DOCK3: variants seen among roughly 807,000 people sequenced by gnomAD.
The protein encoded by DOCK3 is dedicator of cytokinesis protein 3.
In DOCK3, 60 loss-of-function variants were observed where a neutral mutation model predicts 265.6. The ratio of observed to expected loss-of-function variants is 0.23; its 90% CI spans 0.18 to 0.28. The LOEUF is 0.28. Ranked by LOEUF, DOCK3 falls within the 10% of genes least tolerant of loss-of-function variation. The pLI is 1.00. For synonymous variants in DOCK3, 881 were observed against 938.0 expected, an observed-to-expected ratio of 0.94 and a Z score of 1.11; for missense variants, 1,981 against 2,594.3, an observed-to-expected ratio of 0.76 and a Z score of 5.14.
chr3:51,330,344 T>G, intron 33 of DOCK3, 121 bp downstream of exon 33: 2 of 821,644 alleles, frequency 2.4e-6, no homozygotes, highest in Non-Finnish European at 3.8e-6. Flanking sequence ...GGGACCTGGG[T>G]TGTTCCTGAT....
intron 5 of DOCK3, among the ~76,000 whole-genome samples, chr3:50,935,168 C>G (rs755601171): frequency 1.3e-5 from 2 of 152,306 alleles, no homozygotes; most frequent in African/African-American, 4.8e-5. Context: ...CCTGTTCTCT[C>G]TAGCCAAAGG....
chr3:51,041,160 A>ATGTGTG (rs1304136705), intron 5 of DOCK3, among the ~76,000 whole-genome samples: 9 of 49,996 alleles, frequency 1.8e-4, no homozygotes, highest in Non-Finnish European at 3.1e-4. Flanking sequence ...GCCTTACAAA[A>ATGTGTG]TGTATATATA....
chr3:50,887,110 T>C (rs949630160), intron 3 of DOCK3, among the ~76,000 whole-genome samples: 5 of 151,972 alleles, frequency 3.3e-5, no homozygotes, highest in African/African-American at 9.6e-5. Flanking sequence ...ATTGATAGAC[T>C]GCTAGCAAGA....
At chr3:50,767,385 C>T (rs574939436) in intron 1 of DOCK3, among the ~76,000 whole-genome samples, 1 of 152,252 alleles carries the variant, frequency 6.6e-6, no homozygotes, top group Non-Finnish European at 1.5e-5. Flanking sequence ...CATCCTTTCC[C>T]CATTGCTTGT....
At chr3:50,991,696 A>G (rs962431166) in intron 5 of DOCK3, among the ~76,000 whole-genome samples, 10 of 152,186 alleles carry the variant, frequency 6.6e-5, no homozygotes, top group African/African-American at 2.2e-4. Context: ...CAGAAAATTA[A>G]CAAAGATATT....
chr3:50,887,624 T>A (rs1487920636), intron 3 of DOCK3, among the ~76,000 whole-genome samples: 2 of 94,832 alleles, frequency 2.1e-5, no homozygotes, highest in Admixed American at 2.7e-4. Context: ...AGTAAAATAC[T>A]GGCAAAACGA....
intron 21 of DOCK3, among the ~76,000 whole-genome samples, chr3:51,242,637 C>A (rs375406127): frequency 2.3e-4 from 35 of 152,016 alleles, no homozygotes; most frequent in African/African-American, 8.4e-4. Flanking sequence ...GTCCTGCAAG[C>A]AGAAGTAGTC....
chr3:51,177,808 T>C (rs2087039786), intron 12 of DOCK3, among the ~76,000 whole-genome samples: 1 of 152,080 alleles, frequency 6.6e-6, no homozygotes, highest in African/African-American at 2.4e-5. Flanking sequence ...CTGGCCAACA[T>C]GGTGAAACCC....
chr3:50,862,647 C>G (rs1179083048), intron 3 of DOCK3, among the ~76,000 whole-genome samples: 1 of 152,162 alleles, frequency 6.6e-6, no homozygotes, highest in Non-Finnish European at 1.5e-5. Context: ...CTTTTTCATT[C>G]CTGGCTGCAG....
At chr3:51,252,292 G>A (rs538084685) in intron 22 of DOCK3, among the ~76,000 whole-genome samples, 36 of 152,318 alleles carry the variant, frequency 2.4e-4, no homozygotes, top group African/African-American at 8.7e-4. Flanking sequence ...AAGTCAGGTA[G>A]CGTGATGCCT....
At chr3:50,935,885 G>A (rs555849115) in intron 5 of DOCK3, among the ~76,000 whole-genome samples, 12 of 152,120 alleles carry the variant, frequency 7.9e-5, no homozygotes, top group African/African-American at 2.7e-4. Context: ...AATAGGAACC[G>A]GAGTGTCATA....
Position 51,360,543 on chromosome 3 carries a change from A to G in DOCK3, c.4917A>G (p.Ala1639=). The G allele has an allele frequency of 6.2e-7, 1 of 1,612,808 alleles. No homozygotes were observed. Among genetic ancestry groups the G allele is most frequent in the South Asian group, 1.1e-5 (1 of 90,734 alleles). The change falls in exon 47 of 53, where the codon GCA becomes GCG. Residue 1639 remains alanine (A), a synonymous_variant. Coordinates refer to ENST00000266037, the MANE Select transcript of DOCK3 (RefSeq NM_004947.5). ...EFPGLDKLSP[A]CSGTSTPRGN... is the part of the protein sequence containing the mutation. Reference sequence around the variant, plus strand: ...CAGGTTTGGATAAGCTAAGTCCTGCATGTTCAGGCACCAGCACCCCACGGG... The same window carrying G: ...CAGGTTTGGATAAGCTAAGTCCTGCGTGTTCAGGCACCAGCACCCCACGGG...
chr3:51,123,269 T>C (rs1046389123), intron 9 of DOCK3, among the ~76,000 whole-genome samples: 15 of 152,202 alleles, frequency 9.9e-5, no homozygotes, highest in African/African-American at 3.4e-4. Context: ...ACCTCTGAGA[T>C]CTGTCCTTGT....
intron 38 of DOCK3, among the ~76,000 whole-genome samples, chr3:51,341,794 G>A (rs2085259643): frequency 6.6e-6 from 1 of 152,228 alleles, no homozygotes. Context: ...GCCAAAGGCG[G>A]CCTAAACTGC....
chr3:51,063,718 A>T lies in DOCK3; in HGVS notation c.316-730A>T, dbSNP rs148881449. On this transcript the variant is annotated intron_variant, in intron 5 of 52. Transcript: ENST00000266037. ...AAACTCATACATTATTTTTAAGTAC[A>T]TCTTTTTTCTGAAGCATCTATTCTC... Among the ~76,000 whole-genome samples, 1,113 of 152,296 alleles carry T rather than the reference A, an allele frequency of 7.3e-3. 7 individuals carry two copies. Among genetic ancestry groups the T allele is most frequent in the African/African-American group, 0.01 (430 of 41,576 alleles).
intron 8 of DOCK3, 78 bp downstream of exon 8, chr3:51,089,362 G>A (rs2082549530): frequency 6.7e-7 from 1 of 1,492,444 alleles, no homozygotes. Context: ...GAATACACCA[G>A]GAAATGACAG....
intron 10 of DOCK3, 88 bp downstream of exon 10, chr3:51,146,718 T>A: frequency 8.2e-7 from 1 of 1,223,708 alleles, no homozygotes; most frequent in Non-Finnish European, 1.2e-6. Flanking sequence ...AACAAGCATT[T>A]AGTCTTATTT....
chr3:50,932,238 A>C (rs2051105051), intron 4 of DOCK3, among the ~76,000 whole-genome samples: 1 of 152,224 alleles, frequency 6.6e-6, no homozygotes, highest in Non-Finnish European at 1.5e-5. Context: ...GAACACAGTA[A>C]AACTGTAAGA....
intron 5 of DOCK3, among the ~76,000 whole-genome samples, chr3:51,038,405 G>C (rs888722952): frequency 6.6e-6 from 1 of 152,144 alleles, no homozygotes; most frequent in African/African-American, 2.4e-5. Context: ...GAGATTTCAT[G>C]AGCCCCAGTT....
Sources: allele counts gnomAD v4.1 joint callset (sites outside exome capture counted in the v4.1 genomes callset), GRCh38; gene constraint gnomAD v4.1.1; transcripts MANE v1.5; gene names NCBI Gene and HGNC (gene_info 2026-07-23, HGNC 2026-07-21).